The following FNBP1 variants were observed in gnomAD, a reference collection of about 807,000 sequenced individuals.
FNBP1 encodes formin binding protein 1.
In FNBP1, 26 loss-of-function variants were observed where a neutral mutation model predicts 90.6. The observed-to-expected ratio is 0.29, with a 90% CI of 0.21 to 0.40. The LOEUF (loss-of-function observed/expected upper bound fraction) is 0.40, where lower values mean the gene tolerates loss of function less well. Ranked by LOEUF, FNBP1 falls within the 10% of genes least tolerant of loss-of-function variation. The pLI, the probability that FNBP1 is intolerant of heterozygous loss-of-function variation, is 1.00. For missense variants in FNBP1, 635 were observed against 768.0 expected (o/e 0.83, Z 2.05); for synonymous variants, 260 against 265.2 (o/e 0.98, Z 0.19).
At chr9:129,995,102 A>G (rs985131421) in intron 1 of FNBP1, 144 bp from the exon 2 acceptor site, 40 of 588,878 alleles carry the variant, frequency 6.8e-5, no homozygotes, top group Non-Finnish European at 1.1e-4. Context: ...TTTTTTGTTG[A>G]GCCATTTTAA....
chr9:129,903,159 C>T (rs2037287791), intron 12 of FNBP1, among the ~76,000 whole-genome samples, 158 bp from the exon 13 acceptor site: 1 of 152,144 alleles, frequency 6.6e-6, no homozygotes, highest in South Asian at 2.1e-4. Flanking sequence ...TCAAGCAATT[C>T]TGCTGCCTCA....
At position 129,926,219 on chromosome 9, in the gene FNBP1, G is replaced by A. The variant is rs371469604; in HGVS notation, c.789+976C>T. Among the ~76,000 whole-genome samples, 4 of 152,166 alleles carry A rather than the reference G, an allele frequency of 2.6e-5. No homozygotes were observed. In the East Asian group the frequency reaches 7.7e-4, roughly 29 times the overall value. On this transcript the variant is annotated intron_variant, in intron 8 of 16. Transcript: ENST00000446176. ...ACTCCTGGCATCAAGTGATCCACCCGCTCCGGCCTCCCAAAGTGCTGGGAT... is the reference window on the plus strand; with the variant it reads ...ACTCCTGGCATCAAGTGATCCACCCACTCCGGCCTCCCAAAGTGCTGGGAT...
chr9:129,930,024 A>ATT (rs1020559422), intron 6 of FNBP1, among the ~76,000 whole-genome samples: 2 of 135,462 alleles, frequency 1.5e-5, no homozygotes, highest in African/African-American at 5.4e-5. Context: ...TCATATACAC[A>ATT]TTTTTTTTTT....
intron 4 of FNBP1, among the ~76,000 whole-genome samples, chr9:129,972,558 G>C (rs1485405954): frequency 6.7e-6 from 1 of 148,494 alleles, no homozygotes; most frequent in African/African-American, 2.5e-5. Context: ...TTGAGATGGA[G>C]TCTCACTCTG....
intron 1 of FNBP1, among the ~76,000 whole-genome samples, chr9:130,011,016 C>A (rs555191931): frequency 1.3e-5 from 2 of 149,990 alleles, no homozygotes; most frequent in Non-Finnish European, 3.0e-5. Context: ...AAAAATCAGC[C>A]AAGCCAAACA....
chr9:130,013,210 G>T (rs1046941890), intron 1 of FNBP1, among the ~76,000 whole-genome samples: 6 of 151,934 alleles, frequency 3.9e-5, no homozygotes, highest in African/African-American at 1.5e-4. Context: ...GAATACCTGG[G>T]CTCAAGCAAT....
chr9:130,047,330 AACAGC>A (rs755682325), upstream of FNBP1, among the ~76,000 whole-genome samples: 389 of 152,310 alleles, frequency 2.6e-3, 1 homozygote, highest in Non-Finnish European at 3.8e-3. Context: ...TAAAAAACAA[AACAGC>A]TGGGCGCAGT....
At chr9:130,023,377 G>A (rs117480183) in intron 1 of FNBP1, among the ~76,000 whole-genome samples, 5 of 152,270 alleles carry the variant, frequency 3.3e-5, no homozygotes, top group Middle Eastern at 3.4e-3. Context: ...GCTCACTGGC[G>A]TGTGTAACTG....
At chr9:129,893,940 T>A (rs907182969) in intron 16 of FNBP1, among the ~76,000 whole-genome samples, 49 of 150,412 alleles carry the variant, frequency 3.3e-4, no homozygotes, top group African/African-American at 1.0e-3. Flanking sequence ...AAAAGTTTTT[T>A]AAAAAATCAG....
At chr9:129,983,980 GA>G (rs1302062704) in intron 2 of FNBP1, among the ~76,000 whole-genome samples, 2 of 152,040 alleles carry the variant, frequency 1.3e-5, no homozygotes, top group East Asian at 3.9e-4. Flanking sequence ...AAAGGTAAAA[GA>G]AAAAATAAAC....
intron 2 of FNBP1, among the ~76,000 whole-genome samples, chr9:129,993,881 T>C (rs1213553975): frequency 6.6e-6 from 1 of 152,014 alleles, no homozygotes; most frequent in Non-Finnish European, 1.5e-5. Context: ...CACCTTTGCC[T>C]CCCAAAGTGC....
At chr9:129,911,938 A>AG (rs1443365004) in intron 11 of FNBP1, among the ~76,000 whole-genome samples, 1 of 151,612 alleles carries the variant, frequency 6.6e-6, no homozygotes, top group Non-Finnish European at 1.5e-5. Context: ...CTCAAAAAAA[A>AG]AAAAAAAAAC....
chr9:129,978,530 T>C lies in FNBP1; in HGVS notation c.280A>G (p.Met94Val). 1 of 1,613,900 alleles carries C rather than the reference T, an allele frequency of 6.2e-7. No individual in the cohort carries two copies. Among genetic ancestry groups the C allele is most frequent in the Non-Finnish European group, 8.5e-7 (1 of 1,179,778 alleles). ...AGQHEVISEN[M>V]ASQIIVDLAR... The stretch of plus-strand genomic sequence containing the variant: ...AAGTCCACAATGATCTGTGATGCCA[T>C]GTTCTCGGAGATAACTTCATGCTGC... Residue 94 changes from methionine to valine, a missense_variant, in exon 4 of 17, where the codon ATG (methionine) becomes GTG (valine). Physicochemically the swap from Met to Val is conservative, Grantham distance 21. Transcript: ENST00000446176.
chr9:129,966,650 T>G lies in FNBP1; in HGVS notation c.346-8097A>C, dbSNP rs571063043. 6.6e-6 allele frequency among the ~76,000 whole-genome samples: 1 copy of G among 152,240 alleles called. No individual in the cohort carries two copies. The highest frequency in any genetic ancestry group is 1.9e-4 in the East Asian group (1 of 5,182). Reference sequence around the variant, plus strand: ...GGGAGGCTGAGGCAGGAGAATTGCTTGAACCTGGGTGACGGAGGTTGCAGT... The same window carrying G: ...GGGAGGCTGAGGCAGGAGAATTGCTGGAACCTGGGTGACGGAGGTTGCAGT... On this transcript the variant is annotated intron_variant, in intron 4 of 16. Coordinates refer to ENST00000446176, the MANE Select transcript of FNBP1 (RefSeq NM_015033.3). This position sits in a 1 kb window ranked among gnomAD's most constrained non-coding sequence, Gnocchi z 4.3.
At chr9:130,030,367 G>A (rs530021039) in intron 1 of FNBP1, among the ~76,000 whole-genome samples, 6 of 151,474 alleles carry the variant, frequency 4.0e-5, no homozygotes, top group South Asian at 2.1e-4. Context: ...ACTGGGAGCC[G>A]GAGGTTGCAG....
rs994160274 is a variant in FNBP1 at position 129,967,515 on chromosome 9, GA to G, written c.346-8963del. 8.1e-4 allele frequency among the ~76,000 whole-genome samples: 119 copies of G among 146,750 alleles called. 1 individual carries two copies. Among genetic ancestry groups the G allele is most frequent in the Admixed American group, 6.0e-3 (89 of 14,746 alleles). On this transcript the variant is annotated intron_variant, in intron 4 of 16. Transcript: ENST00000446176. ...GGTGACAGAGTGAGACTCCGTCTCA[GA>G]AAAAAAAAAAGTTTGTTTTGGGGTG...
chr9:130,038,216 G>C (rs1346936083), intron 1 of FNBP1, among the ~76,000 whole-genome samples: 1 of 151,734 alleles, frequency 6.6e-6, no homozygotes. Context: ...TTAGCCGGGC[G>C]TGGTGGCGGG....
At chr9:129,907,948 C>T (rs138969260) in intron 12 of FNBP1, among the ~76,000 whole-genome samples, 6,262 of 151,970 alleles carry the variant, frequency 0.041, 134 homozygotes, top group South Asian at 0.083. Flanking sequence ...AGGATGGTCT[C>T]GATCTCCTGA....
chr9:130,037,859 GA>G (rs1178077300), intron 1 of FNBP1, among the ~76,000 whole-genome samples: 2 of 151,608 alleles, frequency 1.3e-5, no homozygotes, highest in African/African-American at 2.4e-5. Context: ...AAAACAAAAG[GA>G]AAAAAAGGGA....
Sources: gnomAD v4.1 joint callset for allele counts (sites outside exome capture counted in the v4.1 genomes callset) on GRCh38, gnomAD v4.1.1 for gene constraint, Gnocchi (gnomAD v3.1) non-coding constraint, MANE v1.5 for transcripts, NCBI Gene and HGNC (gene_info 2026-07-23, HGNC 2026-07-21) for gene names.